The following ABTB2 variants were observed in gnomAD, a reference collection of about 807,000 sequenced individuals.
ABTB2 encodes the protein ankyrin repeat and BTB/POZ domain-containing protein 2.
ABTB2 carries 56 observed loss-of-function variants against 104.1 expected under a neutral mutation model. The observed-to-expected ratio is 0.54, with a 90% CI of 0.43 to 0.67. ABTB2 has a LOEUF of 0.67. ABTB2 is among the 30% of genes least tolerant of loss of function. The probability of loss-of-function intolerance (pLI) is 0.00; values close to 1 mark genes in which losing one functional copy is unlikely to be tolerated. For synonymous variants in ABTB2, 606 were observed against 608.2 expected (o/e 1.00, Z 0.05); for missense variants, 1,279 against 1,407.7 (o/e 0.91, Z 1.46).
At chr11:34,349,335 C>T (rs1855371823) in intron 1 of ABTB2, among the ~76,000 whole-genome samples, 1 of 152,192 alleles carries the variant, frequency 6.6e-6, no homozygotes, top group Admixed American at 6.5e-5. Flanking sequence ...TCTCTGCCCA[C>T]TGCCAGACCA....
At chr11:34,336,037 C>T in intron 1 of ABTB2, 1 of 432,762 alleles carries the variant, frequency 2.3e-6, no homozygotes, top group Non-Finnish European at 4.2e-6. Context: ...AAATAGCTTT[C>T]CTTTGGTAAA....
In ABTB2 at chr11:34,234,130, A is replaced by AG. The variant is rs565121105; in HGVS notation, c.884-29441dup. Among the ~76,000 whole-genome samples the AG allele has an allele frequency of 6.5e-4, 99 of 152,234 alleles. No individual in the cohort carries two copies. In the South Asian group the frequency reaches 0.02, roughly 31 times the overall value. ...GCAAGGCCTTCTCCGTGGCTCAGTT[A>AG]GGGGGTTTCCCTTCTCCCCTCCCCT... On this transcript the variant is annotated intron_variant, in intron 1 of 16. Coordinates refer to ENST00000435224, the MANE Select transcript of ABTB2 (RefSeq NM_145804.3).
chr11:34,175,448 T>G (rs1418465858), intron 3 of ABTB2, among the ~76,000 whole-genome samples: 1 of 152,234 alleles, frequency 6.6e-6, no homozygotes, highest in Non-Finnish European at 1.5e-5. Flanking sequence ...AACATCAGTG[T>G]AACTTACTGA....
At chr11:34,230,468 A>C (rs1468599792) in intron 1 of ABTB2, among the ~76,000 whole-genome samples, 1 of 152,156 alleles carries the variant, frequency 6.6e-6, no homozygotes, top group African/African-American at 2.4e-5. Flanking sequence ...GTTGAGTGAG[A>C]ACCTAGGGCA....
At chr11:34,180,745 G>A (rs1028121902) in intron 3 of ABTB2, among the ~76,000 whole-genome samples, 1 of 152,188 alleles carries the variant, frequency 6.6e-6, no homozygotes, top group Non-Finnish European at 1.5e-5. Flanking sequence ...CTAGACCCAG[G>A]TGCCATAACA....
intron 1 of ABTB2, among the ~76,000 whole-genome samples, chr11:34,245,834 TC>T (rs772574235): frequency 3.9e-5 from 6 of 152,188 alleles, no homozygotes; most frequent in Admixed American, 6.5e-5. Flanking sequence ...TCTCACCAGC[TC>T]CAATCCAAAG....
At position 34,171,068 on chromosome 11, in the gene ABTB2, G is replaced by A. The variant is rs1440406714; in HGVS notation, c.1401C>T (p.Pro467=). The change falls in exon 5 of 17, where the codon CCC becomes CCT. Residue 467 remains proline, a synonymous_variant. Coordinates refer to ENST00000435224, the MANE Select transcript of ABTB2 (RefSeq NM_145804.3). The stretch of plus-strand genomic sequence containing the variant: ...TCCGGAAGGAACTGAAACAGTGTTC[G>A]GGTCTGCCCAGAAGAGACCCAAAGG... ...GLDCEPRQLK[P]EHCFSSFRRL... is the part of the protein sequence containing the mutation. The A allele has an allele frequency of 4.3e-6, 7 of 1,613,938 alleles. No individual in the cohort carries two copies. Among genetic ancestry groups the A allele is most frequent in the South Asian group, 2.2e-5 (2 of 91,026 alleles).
chr11:34,305,327 C>T lies in ABTB2; in HGVS notation c.883+51374G>A, dbSNP rs76481054. Among the ~76,000 whole-genome samples, 1,146 of 152,344 alleles carry T rather than the reference C, an allele frequency of 7.5e-3. 13 individuals carry two copies. Among genetic ancestry groups the T allele is most frequent in the African/African-American group, 0.023 (970 of 41,576 alleles). On this transcript the variant is annotated intron_variant, in intron 1 of 16. Coordinates refer to ENST00000435224, the MANE Select transcript of ABTB2 (RefSeq NM_145804.3). ...GATGGTTTTACAGGACAGGCTTGCTCCCGCATGCACACATTCGCTCTGATA... is the reference window on the plus strand; with the variant it reads ...GATGGTTTTACAGGACAGGCTTGCTTCCGCATGCACACATTCGCTCTGATA...
intron 3 of ABTB2, among the ~76,000 whole-genome samples, chr11:34,182,498 G>GGGC (rs1565134520): frequency 8.2e-6 from 1 of 122,360 alleles, no homozygotes; most frequent in African/African-American, 3.9e-5. Flanking sequence ...TGGGTTCTCT[G>GGGC]GGGGGGGGGG....
rs1047552617 is a variant in ABTB2 at position 34,164,884 on chromosome 11, G to A, written c.1853-63C>T. On this transcript the variant is annotated intron_variant, in intron 8 of 16. Transcript: ENST00000435224. ...CAGTAGCCGCCAGGGCAGCTGAGGCGAAAGGGAAGGGAGAGCAGGATTCTC... is the reference window on the plus strand; with the variant it reads ...CAGTAGCCGCCAGGGCAGCTGAGGCAAAAGGGAAGGGAGAGCAGGATTCTC... The A allele has an allele frequency of 1.6e-5, 24 of 1,548,024 alleles. No homozygotes were observed. The Admixed American group carries it at 1.8e-4, about 12-fold the overall frequency.
intron 1 of ABTB2, among the ~76,000 whole-genome samples, chr11:34,254,580 C>T (rs1011069552): frequency 2.0e-5 from 3 of 151,828 alleles, no homozygotes; most frequent in Non-Finnish European, 2.9e-5. Context: ...TGTTTCCTTA[C>T]ATTCATGTAT....
rs1176890068 is a variant in ABTB2, at chr11:34,356,949, C to T, written c.635G>A (p.Arg212His). ...GLTFSVGRFF[R>H]WMVDTRISVR... ...GGAGATTCGGGTGTCCACCATCCAGCGGAAAAAGCGACCCACTGAGAAGGT... is the reference window on the plus strand; with the variant it reads ...GGAGATTCGGGTGTCCACCATCCAGTGGAAAAAGCGACCCACTGAGAAGGT... Residue 212 changes from arginine (R) to histidine (H), a missense_variant, in exon 1 of 17, where the codon CGC becomes CAC. By Grantham distance (29) the Arg-to-His change is conservative (BLOSUM62 0). Coordinates refer to ENST00000435224, the MANE Select transcript of ABTB2 (RefSeq NM_145804.3). This position sits in a 1 kb window ranked among gnomAD's most constrained non-coding sequence, Gnocchi z 4.6. 8 of 1,599,436 alleles carry T rather than the reference C, an allele frequency of 5.0e-6. No homozygotes were observed. The highest frequency in any genetic ancestry group is 1.7e-4 in the Middle Eastern group (1 of 6,050).
chr11:34,172,287 G>A (rs1943223855), intron 4 of ABTB2, among the ~76,000 whole-genome samples: 3 of 146,068 alleles, frequency 2.1e-5, no homozygotes, highest in South Asian at 4.3e-4. Context: ...CAGGAGAATC[G>A]CTTGAACCCA....
In ABTB2 at chr11:34,308,868, C is replaced by CAAAAA. The variant is rs57658114; in HGVS notation, c.883+47828_883+47832dup. On this transcript the variant is annotated intron_variant, in intron 1 of 16. Transcript: ENST00000435224. Reference sequence around the variant, plus strand: ...CTTGGGCAATGAGAGGAAACTGTCTCAAAAAAAAAAAAAAAAAAAGAAAAG... The same window carrying CAAAAA: ...CTTGGGCAATGAGAGGAAACTGTCTCAAAAAAAAAAAAAAAAAAAAAAAAGAAAAG... Among the ~76,000 whole-genome samples the CAAAAA allele has an allele frequency of 8.7e-3, 675 of 77,650 alleles. 31 individuals are homozygous for CAAAAA. Among genetic ancestry groups the CAAAAA allele is most frequent in the African/African-American group, 0.025 (564 of 22,908 alleles). 50.9% of individuals were successfully genotyped at this position (77,650 alleles called of 152,430 possible).
At chr11:34,226,026 A>G (rs997319905) in intron 1 of ABTB2, among the ~76,000 whole-genome samples, 10 of 151,780 alleles carry the variant, frequency 6.6e-5, no homozygotes, top group African/African-American at 2.4e-4. Flanking sequence ...CAACATGGTG[A>G]AACCCCGTCT....
chr11:34,300,207 C>T (rs1291494501), intron 1 of ABTB2, among the ~76,000 whole-genome samples: 1 of 152,154 alleles, frequency 6.6e-6, no homozygotes, highest in African/African-American at 2.4e-5. Context: ...CTTGTCACAC[C>T]CTTGCTTCAC....
chr11:34,356,701 C>G lies in ABTB2; in HGVS notation c.883G>C (p.Gly295Arg). ...GCCAGTCCGAGGCCCGCGCGCTTAC[C>G]ATTGGCGTTCTTGCCGCAGATGAGA... ...EHLICGKNAN[G>R]VLSLPAYFSP... is the part of the protein sequence containing the mutation. Residue 295 changes from glycine (G) to arginine (R), a missense_variant and splice_region_variant, in exon 1 of 17, where the codon GGT (glycine) becomes CGT (arginine). By Grantham distance (125) the Gly-to-Arg change is moderately radical. Coordinates refer to ENST00000435224, the MANE Select transcript of ABTB2 (RefSeq NM_145804.3). The surrounding 1 kb of genome is among the most constrained non-coding windows in gnomAD (Gnocchi z 4.6). The G allele has an allele frequency of 6.3e-7, 1 of 1,587,204 alleles. No individual in the cohort carries two copies. Among genetic ancestry groups the G allele is most frequent in the Non-Finnish European group, 8.6e-7 (1 of 1,160,554 alleles).
chr11:34,197,182 T>C, intron 3 of ABTB2, 143 bp downstream of exon 3: 1 of 920,036 alleles, frequency 1.1e-6, no homozygotes. Context: ...TCGGAATTCC[T>C]GGGCCACCTC....
chr11:34,255,434 C>T (rs1445863230), intron 1 of ABTB2, among the ~76,000 whole-genome samples: 1 of 152,124 alleles, frequency 6.6e-6, no homozygotes, highest in Non-Finnish European at 1.5e-5. Flanking sequence ...ATCCTTTAAG[C>T]TGCTCCATGG....
Sources: allele counts gnomAD v4.1 joint callset (sites outside exome capture counted in the v4.1 genomes callset), GRCh38; gene constraint gnomAD v4.1.1; non-coding constraint Gnocchi (gnomAD v3.1); transcripts MANE v1.5; gene names NCBI Gene and HGNC (gene_info 2026-07-23, HGNC 2026-07-21).